DNAJA4: variants seen among roughly 807,000 people sequenced by gnomAD.
DNAJA4 encodes dnaJ homolog subfamily A member 4.
A neutral mutation model predicts 39.7 loss-of-function variants in DNAJA4; 32 were observed. The observed-to-expected ratio is 0.81, with a 90% CI of 0.61 to 1.08. The LOEUF is 1.08. DNAJA4 is among the 50% of genes least tolerant of loss of function. The pLI is 0.00. For missense variants in DNAJA4, 439 were observed against 505.1 expected (o/e 0.87, Z 1.25); for synonymous variants, 184 against 182.4 (o/e 1.01, Z -0.07).
In DNAJA4 at chr15:78,280,070, G is replaced by A; in HGVS notation, c.903G>A (p.Leu301=). Residue 301 remains leucine (L), a synonymous_variant, in exon 6 of 7, where the codon CTG becomes CTA. Transcript: ENST00000394852. ...KAGEVIKHGD[L]RCVRDEGMPI... is the part of the protein sequence containing the mutation. ...GTGAGGTGATAAAGCACGGGGACCT[G>A]AGATGCGTGCGCGATGAAGGAATGC... 2 of 1,614,242 alleles carry A rather than the reference G, an allele frequency of 1.2e-6. No individual in the cohort carries two copies. The highest frequency in any genetic ancestry group is 2.2e-5 in the South Asian group (2 of 91,090).
Position 78,266,048 on chromosome 15 carries a change from G to C in DNAJA4, c.132+1153G>C. 6.7e-6 allele frequency: 4 copies of C among 598,142 alleles called. No homozygotes were observed. In the South Asian group the frequency reaches 8.4e-5, roughly 12 times the overall value. 37.1% of individuals were successfully genotyped at this position (598,142 alleles called of 1,614,324 possible). A position where few individuals can be genotyped will look rare whatever the true frequency, so the allele number is the denominator to read the frequency against. The stretch of plus-strand genomic sequence containing the variant: ...AAAATGCTTTCCTGTAAGACCATTT[G>C]TCTGTTACTCACTTGCGTTCTTTCT... On this transcript the variant is annotated intron_variant, in intron 1 of 6. Coordinates refer to ENST00000394852, the MANE Select transcript of DNAJA4 (RefSeq NM_001130182.2).
In DNAJA4 at chr15:78,264,752, C is replaced by T. The variant is rs746353737; in HGVS notation, c.-12C>T. ...TCTGACCGGCCTCGCCCGCCCCCCC[C>T]GCAGACACAAGATGGTGAAGGAGAC... is the stretch of plus-strand genomic sequence containing the variant. On this transcript the variant is annotated 5_prime_UTR_variant, in exon 1 of 7. Coordinates refer to ENST00000394852, the MANE Select transcript of DNAJA4 (RefSeq NM_001130182.2). 14 of 1,560,838 alleles carry T rather than the reference C, an allele frequency of 9.0e-6. No homozygotes were observed. Among genetic ancestry groups the T allele is most frequent in the South Asian group, 3.4e-5 (3 of 88,222 alleles).
Position 78,280,097 on chromosome 15 carries a change from C to T in DNAJA4, c.930C>T (p.Pro310=). Residue 310 remains proline, a synonymous_variant, in exon 6 of 7, where the codon CCC becomes CCT. Coordinates refer to ENST00000394852, the MANE Select transcript of DNAJA4 (RefSeq NM_001130182.2). ...GATGCGTGCGCGATGAAGGAATGCC[C>T]ATCTACAAAGCACCCCTGGAAAAAG... ...DLRCVRDEGM[P]IYKAPLEKGI... 1.2e-6 allele frequency: 2 copies of T among 1,614,216 alleles called. No individual in the cohort carries two copies. The highest frequency in any genetic ancestry group is 1.7e-6 in the Non-Finnish European group (2 of 1,180,034).
chr15:78,280,786 C>A lies in DNAJA4; in HGVS notation c.*326C>A, dbSNP rs1826556358. ...GTGGCTTTGCCATAATTCAGTGTCA[C>A]CAATAAGGCACAGCCCAGTTAGCAG... On this transcript the variant is annotated 3_prime_UTR_variant, in exon 7 of 7. Coordinates refer to ENST00000394852, the MANE Select transcript of DNAJA4 (RefSeq NM_001130182.2). 8.4e-6 allele frequency: 2 copies of A among 237,900 alleles called. No homozygotes were observed. The highest frequency in any genetic ancestry group is 1.6e-5 in the Non-Finnish European group (2 of 121,502). The allele number at this position is 237,900 out of a possible 1,614,324, so 14.7% of individuals were successfully genotyped here.
rs1331109928 is a variant in DNAJA4, at chr15:78,274,628, C to T, written c.646+204C>T. The T allele has an allele frequency of 6.7e-6, 4 of 595,974 alleles. No homozygotes were observed. In the East Asian group the frequency reaches 8.6e-5, roughly 13 times the overall value. 36.9% of individuals were successfully genotyped at this position (595,974 alleles called of 1,614,324 possible). Reference sequence around the variant, plus strand: ...CATGTCACCTGCCAAAGTGTTCTTGCTGAGGTTTACTTCCTTGAGATCACA... The same window carrying T: ...CATGTCACCTGCCAAAGTGTTCTTGTTGAGGTTTACTTCCTTGAGATCACA... On this transcript the variant is annotated intron_variant, in intron 4 of 6. Transcript: ENST00000394852.
chr15:78,275,522 T>A lies in DNAJA4; in HGVS notation c.671T>A (p.Leu224Gln). Residue 224 changes from leucine to glutamine, a missense_variant, in exon 5 of 7, where the codon CTA becomes CAA. By Grantham distance (113) the Leu-to-Gln change is moderately radical. Transcript: ENST00000394852. ...GGTATGAAAGATGGGCAAAAGATAC[T>A]ATTTCATGGAGAAGGAGATCAGGAG... ...EKGMKDGQKI[L>Q]FHGEGDQEPE... 6.2e-7 allele frequency: 1 copy of A among 1,614,160 alleles called. No homozygotes were observed. Among genetic ancestry groups the A allele is most frequent in the Non-Finnish European group, 8.5e-7 (1 of 1,179,974 alleles).
chr15:78,270,437 G>T, intron 1 of DNAJA4, 60 bp from the exon 2 acceptor site: 1 of 1,555,424 alleles, frequency 6.4e-7, no homozygotes, highest in African/African-American at 1.4e-5. Context: ...TATATGGCAG[G>T]TTTGCTTAAC....
intron 2 of DNAJA4, among the ~76,000 whole-genome samples, chr15:78,271,000 C>G (rs1406562719): frequency 2.6e-5 from 4 of 152,108 alleles, no homozygotes; most frequent in Admixed American, 2.0e-4. Context: ...CCCAGGAAGT[C>G]GAGGCTGCAG....
At position 78,266,096 on chromosome 15, in the gene DNAJA4, T is replaced by C; in HGVS notation, c.132+1201T>C. 4.3e-6 allele frequency: 3 copies of C among 705,176 alleles called. No homozygotes were observed. The South Asian group carries it at 5.7e-5, about 13-fold the overall frequency. The allele number at this position is 705,176 out of a possible 1,614,324, so 43.7% of individuals were successfully genotyped here. A position where few individuals can be genotyped will look rare whatever the true frequency, so the allele number is the denominator to read the frequency against. On this transcript the variant is annotated intron_variant, in intron 1 of 6. Coordinates refer to ENST00000394852, the MANE Select transcript of DNAJA4 (RefSeq NM_001130182.2). ...TCTCATCTATATTTAGATGGCTTAC[T>C]GTAGCTTTTAAAGGCACTGGCGTTT... is the stretch of plus-strand genomic sequence containing the variant.
chr15:78,277,312 C>T (rs1000267205), intron 5 of DNAJA4, among the ~76,000 whole-genome samples: 3 of 152,184 alleles, frequency 2.0e-5, no homozygotes, highest in African/African-American at 7.2e-5. Context: ...CATGCCACCA[C>T]GCCCATCTAA....
intron 1 of DNAJA4, 105 bp downstream of exon 1, chr15:78,265,000 G>C: frequency 7.6e-7 from 1 of 1,310,108 alleles, no homozygotes; most frequent in Non-Finnish European, 1.0e-6. Context: ...TGTTGGGGAG[G>C]CTGTCGCCAG....
intron 1 of DNAJA4, among the ~76,000 whole-genome samples, chr15:78,268,537 C>G (rs562816397): frequency 2.0e-5 from 3 of 152,172 alleles, no homozygotes; most frequent in Non-Finnish European, 2.9e-5. Context: ...CCCTTGTTCT[C>G]TCTCTCAAAT....
rs369648394 is a variant in DNAJA4, at chr15:78,274,454, C to T, written c.646+30C>T. Reference sequence around the variant, plus strand: ...GGCTGCGCAGAGCTGGTGCTCCACACGGGCTGGAAATGCTGTCTGGGTGCT... The same window carrying T: ...GGCTGCGCAGAGCTGGTGCTCCACATGGGCTGGAAATGCTGTCTGGGTGCT... On this transcript the variant is annotated intron_variant, in intron 4 of 6. Coordinates refer to ENST00000394852, the MANE Select transcript of DNAJA4 (RefSeq NM_001130182.2). 3.6e-5 allele frequency: 57 copies of T among 1,600,404 alleles called. No homozygotes were observed. The East Asian group carries it at 4.2e-4, about 12-fold the overall frequency.
chr15:78,275,658 A>C lies in DNAJA4; in HGVS notation c.807A>C (p.Glu269Asp), dbSNP rs760251066. 8 of 1,614,050 alleles carry C rather than the reference A, an allele frequency of 5.0e-6. No individual in the cohort carries two copies. The East Asian group carries it at 1.3e-4, about 27-fold the overall frequency. The change falls in exon 5 of 7, where the codon GAA becomes GAC. Residue 269 changes from glutamate to aspartate, a missense_variant. Glu to Asp is a conservative substitution (Grantham distance 45, BLOSUM62 2). Coordinates refer to ENST00000394852, the MANE Select transcript of DNAJA4 (RefSeq NM_001130182.2). ...TGAAAATGAAAATTCAGCTTTCTGA[A>C]GCTCTTTGTGGCTTCAAGAAGACGA... ...LIMKMKIQLS[E>D]ALCGFKKTIK...
At position 78,280,498 on chromosome 15, in the gene DNAJA4, A is replaced by G. The variant is rs377224568; in HGVS notation, c.*38A>G. 11 of 1,523,186 alleles carry G rather than the reference A, an allele frequency of 7.2e-6. No homozygotes were observed. Among genetic ancestry groups the G allele is most frequent in the Non-Finnish European group, 8.0e-6 (9 of 1,118,806 alleles). The allele number at this position is 1,523,186 out of a possible 1,614,324, so 94.4% of individuals were successfully genotyped here. A position where few individuals can be genotyped will look rare whatever the true frequency, so the allele number is the denominator to read the frequency against. ...CAGCGTGGCCCCACCGGACTAGCACATGATGAATGTAAAGTTGGCACAATG... is the reference window on the plus strand; with the variant it reads ...CAGCGTGGCCCCACCGGACTAGCACGTGATGAATGTAAAGTTGGCACAATG... On this transcript the variant is annotated 3_prime_UTR_variant, in exon 7 of 7. Coordinates refer to ENST00000394852, the MANE Select transcript of DNAJA4 (RefSeq NM_001130182.2).
At chr15:78,267,196 GTGTA>G (rs1361749882) in intron 1 of DNAJA4, among the ~76,000 whole-genome samples, 6 of 149,678 alleles carry the variant, frequency 4.0e-5, no homozygotes, top group South Asian at 2.1e-4. Flanking sequence ...GTGTGTGAGT[GTGTA>G]TGTGAGTGTG....
At chr15:78,268,750 G>A (rs2049212795) in intron 1 of DNAJA4, among the ~76,000 whole-genome samples, 1 of 152,206 alleles carries the variant, frequency 6.6e-6, no homozygotes, top group Non-Finnish European at 1.5e-5. Context: ...CCTTCTACAT[G>A]CCAGGCATGG....
chr15:78,275,608 C>A lies in DNAJA4; in HGVS notation c.757C>A (p.Gln253Lys). The change falls in exon 5 of 7, where the codon CAG (glutamine) becomes AAG (lysine). Residue 253 changes from glutamine (Q) to lysine (K), a missense_variant. Transcript: ENST00000394852. Reference protein sequence around the residue: ...VLDQKDHSVFQRRGHDLIMKM... With the variant: ...VLDQKDHSVFKRRGHDLIMKM... The stretch of plus-strand genomic sequence containing the variant: ...TGATCAGAAGGATCATAGTGTCTTT[C>A]AGAGACGAGGCCATGACTTGATCAT... 6.2e-7 allele frequency: 1 copy of A among 1,614,130 alleles called. No homozygotes were observed. Among genetic ancestry groups the A allele is most frequent in the Non-Finnish European group, 8.5e-7 (1 of 1,180,002 alleles).
At position 78,276,126 on chromosome 15, in the gene DNAJA4, GAATTCTGGC is replaced by G. The variant is rs539677082; in HGVS notation, c.877+403_877+411del. 5.9e-5 allele frequency among the ~76,000 whole-genome samples: 9 copies of G among 152,262 alleles called. No homozygotes were observed. In the South Asian group the frequency reaches 1.7e-3, roughly 28 times the overall value. ...AATCTTGGGGCTCTGAATTTTAGAT[GAATTCTGGC>G]AATTAAACTTAAGTTTTTAAAAATT... On this transcript the variant is annotated intron_variant, in intron 5 of 6. Coordinates refer to ENST00000394852, the MANE Select transcript of DNAJA4 (RefSeq NM_001130182.2).
Sources: gnomAD v4.1 joint callset for allele counts (sites outside exome capture counted in the v4.1 genomes callset) on GRCh38, gnomAD v4.1.1 for gene constraint, MANE v1.5 for transcripts, NCBI Gene and HGNC (gene_info 2026-07-23, HGNC 2026-07-21) for gene names.